Variants in CELF2 observed in about 807,000 individuals in gnomAD.
CELF2 encodes the protein CUGBP Elav-like family member 2.
In CELF2, 8 loss-of-function variants were observed where a neutral mutation model predicts 62.6. The observed-to-expected ratio is 0.13, with a 90% CI of 0.07 to 0.23. The LOEUF (loss-of-function observed/expected upper bound fraction) is 0.23. Ranked by LOEUF, CELF2 falls within the 10% of genes least tolerant of loss-of-function variation. The pLI is 1.00. For synonymous variants in CELF2, 258 were observed against 250.0 expected, an observed-to-expected ratio of 1.03 and a Z score of -0.30; for missense variants, 333 against 671.0, an observed-to-expected ratio of 0.50 and a Z score of 5.56.
chr10:10,624,960 G>C, the CELF2 span, among the ~76,000 whole-genome samples: 2 of 152,218 alleles, frequency 1.3e-5, no homozygotes, highest in African/African-American at 4.8e-5. Context: ...AAGCTGCGCG[G>C]CTCACACCTT....
intron 2 of CELF2, among the ~76,000 whole-genome samples, chr10:11,183,253 T>C (rs759837305): frequency 2.1e-4 from 32 of 152,340 alleles, no homozygotes; most frequent in Admixed American, 4.6e-4. Context: ...CTTCCTTTGC[T>C]CAGCCTGATT....
rs1014101756 is a variant in CELF2 at position 11,161,508 on chromosome 10, T to C, written c.75-3978T>C. ...TGCATTCACATTCTCTAGGCACCTTTTGTGTGACATTGGAAAAGTCAATGT... is the reference window on the plus strand; with the variant it reads ...TGCATTCACATTCTCTAGGCACCTTCTGTGTGACATTGGAAAAGTCAATGT... On this transcript the variant is annotated intron_variant, in intron 1 of 12. Transcript: ENST00000633077. Among the ~76,000 whole-genome samples the C allele has an allele frequency of 3.9e-5, 6 of 152,222 alleles. No homozygotes were observed. In the East Asian group the frequency reaches 7.7e-4, roughly 19 times the overall value.
intron 1 of CELF2, among the ~76,000 whole-genome samples, chr10:10,847,879 G>A (rs1051423063): frequency 2.2e-4 from 33 of 152,132 alleles, no homozygotes; most frequent in African/African-American, 8.0e-4. Flanking sequence ...AACATTGGCT[G>A]CACACACAGC....
intron 1 of CELF2, among the ~76,000 whole-genome samples, chr10:10,913,895 G>GGAAGGAAGGAAGGAAGAAGGA (rs1564811456): frequency 2.2e-4 from 8 of 36,078 alleles, no homozygotes; most frequent in African/African-American, 6.8e-4. Flanking sequence ...AGAAGGAAGG[G>GGAAGGAAGGAAGGAAGAAGGA]AGGGAGGGAG....
At chr10:11,182,962 A>T (rs899675417) in intron 2 of CELF2, among the ~76,000 whole-genome samples, 1 of 152,168 alleles carries the variant, frequency 6.6e-6, no homozygotes, top group African/African-American at 2.4e-5. Flanking sequence ...GGTCTTTTCA[A>T]CAGCTCAATG....
At chr10:10,822,050 G>A (rs1449394256) in intron 1 of CELF2, among the ~76,000 whole-genome samples, 7 of 152,206 alleles carry the variant, frequency 4.6e-5, no homozygotes, top group Non-Finnish European at 1.5e-5. Context: ...ACACAATGCA[G>A]CCACTCCTTC....
At chr10:11,194,456 C>T (rs916129582) in intron 2 of CELF2, among the ~76,000 whole-genome samples, 6 of 152,112 alleles carry the variant, frequency 3.9e-5, no homozygotes. Context: ...TGCCCAGTAA[C>T]GAACATGTGT....
chr10:11,108,069 C>CTCTCCCCACTCCCTCCG (rs2054074373), intron 1 of CELF2, among the ~76,000 whole-genome samples: 1 of 99,120 alleles, frequency 1.0e-5, no homozygotes, highest in Non-Finnish European at 2.0e-5. Context: ...CACTCCCTCC[C>CTCTCCCCACTCCCTCCG]TCTCCCCACT....
the CELF2 span, among the ~76,000 whole-genome samples, chr10:10,663,152 T>C: frequency 6.6e-6 from 1 of 152,322 alleles, no homozygotes; most frequent in East Asian, 1.9e-4. Flanking sequence ...GTGAAAAACC[T>C]TTCATTTTAA....
At chr10:10,675,409 T>C in the CELF2 span, among the ~76,000 whole-genome samples, 1 of 152,158 alleles carries the variant, frequency 6.6e-6, no homozygotes, top group East Asian at 1.9e-4. Context: ...CAGAATTTTC[T>C]TCTTTATCTT....
chr10:10,988,545 A>G (rs1393788962), intron 2 of CELF2, among the ~76,000 whole-genome samples: 1 of 152,092 alleles, frequency 6.6e-6, no homozygotes, highest in African/African-American at 2.4e-5. Flanking sequence ...GGGATAACAG[A>G]CTACATATTA....
the CELF2 span, among the ~76,000 whole-genome samples, chr10:10,714,546 G>T: frequency 6.6e-6 from 1 of 152,094 alleles, no homozygotes; most frequent in Non-Finnish European, 1.5e-5. Context: ...AATTAAATGA[G>T]ATTCACACCA....
chr10:10,771,617 T>C, the CELF2 span, among the ~76,000 whole-genome samples: 1 of 152,230 alleles, frequency 6.6e-6, no homozygotes, highest in African/African-American at 2.4e-5. Context: ...TGAATAAGTC[T>C]CATGAGATTT....
chr10:11,077,818 A>G (rs1458216467), intron 1 of CELF2, among the ~76,000 whole-genome samples: 2 of 152,196 alleles, frequency 1.3e-5, no homozygotes, highest in Non-Finnish European at 2.9e-5. Flanking sequence ...TATGGACTCT[A>G]GTCCCACAGC....
chr10:11,073,172 G>T (rs184486402), intron 1 of CELF2, among the ~76,000 whole-genome samples: 1 of 152,200 alleles, frequency 6.6e-6, no homozygotes, highest in South Asian at 2.1e-4. Flanking sequence ...AGAGCAGAGT[G>T]TAACACTGGC....
At chr10:10,994,280 A>G (rs764763427) in intron 2 of CELF2, among the ~76,000 whole-genome samples, 2 of 152,206 alleles carry the variant, frequency 1.3e-5, no homozygotes, top group Non-Finnish European at 2.9e-5. Context: ...AAGTGCTTTT[A>G]ATGTTTAGAA....
the CELF2 span, among the ~76,000 whole-genome samples, chr10:10,670,630 G>A: frequency 6.6e-6 from 1 of 152,004 alleles, no homozygotes; most frequent in South Asian, 2.1e-4. Context: ...TTTACATAAG[G>A]GCTCACTCTT....
rs1485117137 is a variant in CELF2, at chr10:10,997,040, T to C, written c.89+77041T>C. ...CATTCCACCCACTCAGTTATTCACA[T>C]TGTGATTCTACTGCTAAAATCTGCT... On this transcript the variant is annotated intron_variant, in intron 2 of 13. Transcript: ENST00000636488. The surrounding 1 kb of genome is among the most constrained non-coding windows in gnomAD (Gnocchi z 5.3). 1.3e-5 allele frequency among the ~76,000 whole-genome samples: 2 copies of C among 152,220 alleles called. No homozygotes were observed. The highest frequency in any genetic ancestry group is 4.8e-5 in the African/African-American group (2 of 41,452).
intron 2 of CELF2, among the ~76,000 whole-genome samples, chr10:10,937,203 C>T (rs1421398034): frequency 6.9e-6 from 1 of 145,286 alleles, no homozygotes; most frequent in East Asian, 2.1e-4. Context: ...CTTGTCTCAC[C>T]GGGAGGCAAC....
Sources: allele counts gnomAD v4.1 joint callset (sites outside exome capture counted in the v4.1 genomes callset), GRCh38; gene constraint gnomAD v4.1.1; non-coding constraint Gnocchi (gnomAD v3.1); transcripts MANE v1.5; gene names NCBI Gene and HGNC (gene_info 2026-07-23, HGNC 2026-07-21).